Variants in LUM observed in about 807,000 individuals in gnomAD.
The protein encoded by LUM is lumican.
In LUM, 13 loss-of-function variants were observed where a neutral mutation model predicts 20.5. The ratio of observed to expected loss-of-function variants is 0.63; its 90% CI spans 0.41 to 1.01. LUM has a LOEUF of 1.01. Among genes scored for constraint, LUM ranks in the 50% least tolerant of loss-of-function variants. LUM has a pLI of 0.00. For missense variants in LUM, 321 were observed against 391.1 expected (o/e 0.82, Z 1.51); for synonymous variants, 173 against 151.5 (o/e 1.14, Z -1.04).
chr12:91,107,293 GAA>G (rs1256332247), intron 2 of LUM, among the ~76,000 whole-genome samples: 126 of 95,070 alleles, frequency 1.3e-3, no homozygotes, highest in Middle Eastern at 4.9e-3. Flanking sequence ...GAAAGAGAAA[GAA>G]AGAAAGAAAG....
intron 1 of LUM, among the ~76,000 whole-genome samples, chr12:91,109,868 C>A (rs866859053): frequency 2.6e-5 from 4 of 152,172 alleles, no homozygotes; most frequent in Middle Eastern, 3.4e-3. Flanking sequence ...ATCGAAGATG[C>A]CATGGTTTGC....
At chr12:91,109,077 A>C (rs535573888) in intron 1 of LUM, 77 bp from the exon 2 acceptor site, 4 of 1,039,852 alleles carry the variant, frequency 3.8e-6, no homozygotes, top group Non-Finnish European at 5.6e-6. Flanking sequence ...GCAACATTAA[A>C]TTCATTAGAA....
intron 2 of LUM, among the ~76,000 whole-genome samples, chr12:91,105,999 A>G (rs1880022715): frequency 6.6e-6 from 1 of 152,188 alleles, no homozygotes; most frequent in African/African-American, 2.4e-5. Context: ...GAGGAATCAC[A>G]TATGGCCACA....
rs1310474227 is a variant in LUM at position 91,107,261 on chromosome 12, AAGAAAGAAAGAAAGAAAGAAAGAAAG to A, written c.862+831_862+856del. On this transcript the variant is annotated intron_variant, in intron 2 of 2. Transcript: ENST00000266718. ...AAGGAAAGAAAGAAAGAAAGAAAGA[AAGAAAGAAAGAAAGAAAGAAAGAAAG>A]AGAAAGAAAGAAAGAAAGAAAGAAA... Among the ~76,000 whole-genome samples the A allele has an allele frequency of 7.2e-3, 360 of 49,662 alleles. 4 individuals are homozygous for A. Among genetic ancestry groups the A allele is most frequent in the African/African-American group, 0.02 (353 of 18,026 alleles). The allele number at this position is 49,662 out of a possible 152,430, so 32.6% of individuals were successfully genotyped here. A position where few individuals can be genotyped will look rare whatever the true frequency, so the allele number is the denominator to read the frequency against.
chr12:91,109,215 C>A (rs1841017115), intron 1 of LUM, among the ~76,000 whole-genome samples: 1 of 151,678 alleles, frequency 6.6e-6, no homozygotes, highest in Admixed American at 6.6e-5. Context: ...GGTTAGATTG[C>A]GTACACGTGC....
rs370419881 is a variant in LUM at position 91,108,521 on chromosome 12, G to T, written c.459C>A (p.Gly153=). The change falls in exon 2 of 3, where the codon GGC becomes GGA. Residue 153 remains glycine, a synonymous_variant. Transcript: ENST00000266718. The surrounding 1 kb of genome is among the most constrained non-coding windows in gnomAD (Gnocchi z 4.2). ...QLTHNKITKL[G]SFEGLVNLTF... is the part of the protein sequence containing the mutation. Reference sequence around the variant, plus strand: ...TCAGGTTTACCAATCCTTCAAAAGAGCCCAGCTTTGTGATCTTGTTATGAG... The same window carrying T: ...TCAGGTTTACCAATCCTTCAAAAGATCCCAGCTTTGTGATCTTGTTATGAG... The T allele has an allele frequency of 7.4e-6, 12 of 1,612,562 alleles. No individual in the cohort carries two copies. The African/African-American group carries it at 1.3e-4, about 18-fold the overall frequency.
At chr12:91,105,752 G>A (rs546046002) in intron 2 of LUM, among the ~76,000 whole-genome samples, 1 of 152,278 alleles carries the variant, frequency 6.6e-6, no homozygotes, top group South Asian at 2.1e-4. Context: ...GCACTGACAG[G>A]CCGTTGGCCT....
At chr12:91,109,028 T>TA (rs773943638) in intron 1 of LUM, 28 bp from the exon 2 acceptor site, 26 of 1,391,108 alleles carry the variant, frequency 1.9e-5, no homozygotes, top group East Asian at 1.3e-4. Flanking sequence ...ATTTATTAAT[T>TA]AAAAAAATAT....
In LUM at chr12:91,108,804, T is replaced by G. The variant is rs745529650; in HGVS notation, c.176A>C (p.Lys59Thr). The change falls in exon 2 of 3, where the codon AAA becomes ACA. Residue 59 changes from lysine (K) to threonine (T), a missense_variant. Transcript: ENST00000266718. The surrounding 1 kb of genome is among the most constrained non-coding windows in gnomAD (Gnocchi z 4.2). ...SAMYCDELKL[K>T]SVPMVPPGIK... The stretch of plus-strand genomic sequence containing the variant: ...TCCAGGAGGCACCATTGGTACACTT[T>G]TCAATTTCAGCTCATCACAGTACAT... 6.2e-7 allele frequency: 1 copy of G among 1,614,084 alleles called. No homozygotes were observed. Among genetic ancestry groups the G allele is most frequent in the East Asian group, 2.2e-5 (1 of 44,842 alleles).
At position 91,104,174 on chromosome 12, in the gene LUM, A is replaced by G. The variant is rs111724211; in HGVS notation, c.1008T>C (p.Thr336=). 1 of 1,611,918 alleles carries G rather than the reference A, an allele frequency of 6.2e-7. No homozygotes were observed. The highest frequency in any genetic ancestry group is 8.5e-7 in the Non-Finnish European group (1 of 1,178,438). The change falls in exon 3 of 3, where the codon ACT becomes ACC. Residue 336 remains threonine (T), a synonymous_variant. Coordinates refer to ENST00000266718, the MANE Select transcript of LUM (RefSeq NM_002345.4). ...YECLRVANEV[T]LN ...TTCCAGGATACAGATATTAATTAAG[A>G]GTGACTTCGTTAGCAACACGTAGAC...
Position 91,108,505 on chromosome 12 carries a change from C to T in LUM, c.475G>A (p.Val159Ile), listed in dbSNP as rs1880129852. 1 of 1,613,720 alleles carries T rather than the reference C, an allele frequency of 6.2e-7. No homozygotes were observed. Among genetic ancestry groups the T allele is most frequent in the South Asian group, 1.1e-5 (1 of 91,062 alleles). ...TGGAGATGGATGAAGGTCAGGTTTA[C>T]CAATCCTTCAAAAGAGCCCAGCTTT... is the stretch of plus-strand genomic sequence containing the variant. ...ITKLGSFEGL[V>I]NLTFIHLQHN... Residue 159 changes from valine (V) to isoleucine (I), a missense_variant, in exon 2 of 3, where the codon GTA becomes ATA. Coordinates refer to ENST00000266718, the MANE Select transcript of LUM (RefSeq NM_002345.4). The surrounding 1 kb of genome is among the most constrained non-coding windows in gnomAD (Gnocchi z 4.2).
chr12:91,108,804 T>C lies in LUM; in HGVS notation c.176A>G (p.Lys59Arg), dbSNP rs745529650. 4.3e-6 allele frequency: 7 copies of C among 1,614,084 alleles called. No homozygotes were observed. Among genetic ancestry groups the C allele is most frequent in the South Asian group, 3.3e-5 (3 of 91,084 alleles). ...SAMYCDELKL[K>R]SVPMVPPGIK... The stretch of plus-strand genomic sequence containing the variant: ...TCCAGGAGGCACCATTGGTACACTT[T>C]TCAATTTCAGCTCATCACAGTACAT... Residue 59 changes from lysine (K) to arginine (R), a missense_variant, in exon 2 of 3, where the codon AAA becomes AGA. Lys to Arg is a conservative substitution (Grantham distance 26). Transcript: ENST00000266718. This position sits in a 1 kb window ranked among gnomAD's most constrained non-coding sequence, Gnocchi z 4.2.
chr12:91,110,173 G>A (rs1001312923), intron 1 of LUM, among the ~76,000 whole-genome samples: 6 of 152,034 alleles, frequency 3.9e-5, no homozygotes, highest in East Asian at 1.9e-4. Context: ...GTAGCCCTGG[G>A]AGATAAATCA....
chr12:91,105,388 T>C (rs1260211627), intron 2 of LUM, among the ~76,000 whole-genome samples: 1 of 152,178 alleles, frequency 6.6e-6, no homozygotes, highest in Non-Finnish European at 1.5e-5. Flanking sequence ...TCCTAAATAA[T>C]GACTAATATC....
At chr12:91,104,980 A>G (rs891477123) in intron 2 of LUM, among the ~76,000 whole-genome samples, 3 of 152,194 alleles carry the variant, frequency 2.0e-5, no homozygotes, top group African/African-American at 7.2e-5. Flanking sequence ...AATAGAAACC[A>G]AGAGTGTTAC....
rs910850653 is a variant in LUM at position 91,108,009 on chromosome 12, G to A, written c.862+109C>T. 23 of 1,277,034 alleles carry A rather than the reference G, an allele frequency of 1.8e-5. No homozygotes were observed. Among genetic ancestry groups the A allele is most frequent in the Non-Finnish European group, 2.3e-5 (20 of 878,022 alleles). 79.1% of individuals were successfully genotyped at this position (1,277,034 alleles called of 1,614,324 possible). A position where few individuals can be genotyped will look rare whatever the true frequency, so the allele number is the denominator to read the frequency against. On this transcript the variant is annotated intron_variant, in intron 2 of 2. Transcript: ENST00000266718. This position sits in a 1 kb window ranked among gnomAD's most constrained non-coding sequence, Gnocchi z 4.2. ...TTTACAGGAATGAGCCACAGCGCCC[G>A]GGCGACATTTTGTTTTTTTAATGGA...
chr12:91,106,379 T>A (rs1032873142), intron 2 of LUM, among the ~76,000 whole-genome samples: 1 of 152,148 alleles, frequency 6.6e-6, no homozygotes, highest in Non-Finnish European at 1.5e-5. Flanking sequence ...CCTGCTTGAT[T>A]TTTTCATTTA....
chr12:91,110,870 G>T (rs938268423), intron 1 of LUM, among the ~76,000 whole-genome samples: 5 of 151,870 alleles, frequency 3.3e-5, no homozygotes, highest in Non-Finnish European at 7.4e-5. Context: ...GTTCCTTAAG[G>T]CATATATCCA....
rs1879980491 is a variant in LUM at position 91,104,263 on chromosome 12, T to G, written c.919A>C (p.Lys307Gln). ...CGATTGCCATCCAAACGCAAATGCT[T>G]GATCTTGGAGTAGGATAATGGCCCC... ...ILGPLSYSKI[K>Q]HLRLDGNRIS... Residue 307 changes from lysine to glutamine, a missense_variant, in exon 3 of 3, where the codon AAG becomes CAG. Physicochemically the swap from Lys to Gln is moderately conservative, Grantham distance 53 (BLOSUM62 1). Coordinates refer to ENST00000266718, the MANE Select transcript of LUM (RefSeq NM_002345.4). The G allele has an allele frequency of 6.2e-7, 1 of 1,612,940 alleles. No individual in the cohort carries two copies. Among genetic ancestry groups the G allele is most frequent in the Admixed American group, 1.7e-5 (1 of 59,930 alleles).
Sources: gnomAD v4.1 joint callset for allele counts (sites outside exome capture counted in the v4.1 genomes callset) on GRCh38, gnomAD v4.1.1 for gene constraint, Gnocchi (gnomAD v3.1) non-coding constraint, MANE v1.5 for transcripts, NCBI Gene and HGNC (gene_info 2026-07-23, HGNC 2026-07-21) for gene names.